Variants in PPP2R3A observed in about 807,000 individuals in gnomAD.
PPP2R3A encodes serine/threonine-protein phosphatase 2A regulatory subunit B'' subunit alpha.
Under a neutral mutation model 106.9 loss-of-function variants are expected in PPP2R3A, and 80 were observed. The ratio of observed to expected loss-of-function variants is 0.75; its 90% CI spans 0.62 to 0.90. PPP2R3A has a LOEUF of 0.90. PPP2R3A is among the 40% of genes least tolerant of loss of function. The pLI is 0.00. For missense variants in PPP2R3A, 1,386 were observed against 1,350.4 expected (o/e 1.03, Z -0.41); for synonymous variants, 483 against 468.3 (o/e 1.03, Z -0.41).
chr3:136,045,679 C>T (rs990731837), intron 4 of PPP2R3A, among the ~76,000 whole-genome samples: 7 of 152,272 alleles, frequency 4.6e-5, no homozygotes, highest in Admixed American at 1.3e-4. Flanking sequence ...ACCAGCTGCA[C>T]GGCCAAGGCA....
intron 5 of PPP2R3A, among the ~76,000 whole-genome samples, chr3:136,056,967 A>G (rs1188243292): frequency 6.6e-6 from 1 of 152,170 alleles, no homozygotes; most frequent in Admixed American, 6.5e-5. Flanking sequence ...AGAAATGAAA[A>G]TTAAAGCCAT....
At chr3:136,119,672 C>A (rs1937916208) in intron 13 of PPP2R3A, among the ~76,000 whole-genome samples, 1 of 152,144 alleles carries the variant, frequency 6.6e-6, no homozygotes, top group Non-Finnish European at 1.5e-5. Context: ...CCATCTCACA[C>A]CAGTTAGAAT....
chr3:135,999,807 T>C (rs1279047748), intron 1 of PPP2R3A, among the ~76,000 whole-genome samples: 3 of 152,148 alleles, frequency 2.0e-5, no homozygotes, highest in Admixed American at 1.3e-4. Flanking sequence ...GGAGTCTCGC[T>C]CTGTCACCCA....
intron 5 of PPP2R3A, among the ~76,000 whole-genome samples, chr3:136,057,232 G>A (rs1252527519): frequency 6.6e-6 from 1 of 152,078 alleles, no homozygotes. Context: ...TGTGTTTATT[G>A]CAACACTATT....
chr3:136,011,284 C>T (rs1019949736), intron 2 of PPP2R3A, among the ~76,000 whole-genome samples: 3 of 151,934 alleles, frequency 2.0e-5, no homozygotes, highest in Non-Finnish European at 4.4e-5. Context: ...TTCTTTTTCT[C>T]CACTGACTCC....
At chr3:136,040,433 A>G (rs1935226499) in intron 3 of PPP2R3A, among the ~76,000 whole-genome samples, 1 of 152,102 alleles carries the variant, frequency 6.6e-6, no homozygotes, top group Non-Finnish European at 1.5e-5. Flanking sequence ...CCAGCTACTC[A>G]GGAGGCTGAG....
At chr3:136,109,039 C>T (rs1164384538) in intron 13 of PPP2R3A, among the ~76,000 whole-genome samples, 3 of 152,062 alleles carry the variant, frequency 2.0e-5, no homozygotes, top group Non-Finnish European at 4.4e-5. Flanking sequence ...TAATAGTGAG[C>T]ATTCAATCCA....
intron 2 of PPP2R3A, among the ~76,000 whole-genome samples, chr3:136,009,135 C>T (rs1379598696): frequency 2.0e-5 from 3 of 152,072 alleles, no homozygotes; most frequent in Non-Finnish European, 4.4e-5. Context: ...TAAACATTTC[C>T]CTTCCTATTA....
intron 1 of PPP2R3A, among the ~76,000 whole-genome samples, chr3:135,968,937 A>G (rs1425544261): frequency 2.0e-5 from 3 of 152,152 alleles, no homozygotes; most frequent in Non-Finnish European, 4.4e-5. Context: ...TATACCATAG[A>G]TTATTTAACC....
Position 136,145,235 on chromosome 3 carries a change from G to T in PPP2R3A, c.*69G>T, listed in dbSNP as rs1359338494. 2.0e-6 allele frequency: 3 copies of T among 1,518,226 alleles called. No individual in the cohort carries two copies. The highest frequency in any genetic ancestry group is 1.4e-5 in the African/African-American group (1 of 71,360). 94.0% of individuals were successfully genotyped at this position (1,518,226 alleles called of 1,614,324 possible). A position where few individuals can be genotyped will look rare whatever the true frequency, so the allele number is the denominator to read the frequency against. On this transcript the variant is annotated 3_prime_UTR_variant, in exon 14 of 14. Coordinates refer to ENST00000264977, the MANE Select transcript of PPP2R3A (RefSeq NM_002718.5). ...TTCTTTCTTGTGAAGAGATGTTCTC[G>T]TTTGCATACTGCTTTTTAAAGACTT... is the stretch of plus-strand genomic sequence containing the variant.
intron 12 of PPP2R3A, among the ~76,000 whole-genome samples, chr3:136,104,325 T>TGTGA (rs1559922435): frequency 1.4e-5 from 2 of 147,376 alleles, no homozygotes; most frequent in African/African-American, 4.9e-5. Flanking sequence ...TGTGTGTGTG[T>TGTGA]GACAGAGTTT....
intron 13 of PPP2R3A, among the ~76,000 whole-genome samples, chr3:136,143,567 A>C (rs1938966219): frequency 6.6e-6 from 1 of 152,118 alleles, no homozygotes; most frequent in Non-Finnish European, 1.5e-5. Flanking sequence ...AGACAGGTGG[A>C]TCACTTGAGG....
At chr3:136,120,368 A>G (rs1937948651) in intron 13 of PPP2R3A, among the ~76,000 whole-genome samples, 1 of 152,172 alleles carries the variant, frequency 6.6e-6, no homozygotes, top group African/African-American at 2.4e-5. Context: ...CAGACAGATC[A>G]CTTGAGGTCA....
chr3:136,085,347 A>T (rs1484575831), intron 8 of PPP2R3A, among the ~76,000 whole-genome samples: 2 of 152,128 alleles, frequency 1.3e-5, no homozygotes, highest in Non-Finnish European at 2.9e-5. Context: ...TTTGCCTTCC[A>T]CCATGATTGT....
intron 4 of PPP2R3A, among the ~76,000 whole-genome samples, chr3:136,047,640 G>A (rs180827842): frequency 4.7e-4 from 71 of 152,270 alleles, no homozygotes; most frequent in Non-Finnish European, 1.8e-4. Flanking sequence ...GGTGGCTCAC[G>A]CCTGTAATCC....
intron 3 of PPP2R3A, among the ~76,000 whole-genome samples, chr3:136,032,630 G>C (rs1444179621): frequency 6.6e-6 from 1 of 151,894 alleles, no homozygotes; most frequent in African/African-American, 2.4e-5. Context: ...TGCCTCCCGG[G>C]TTGACACCAT....
chr3:136,003,389 A>T lies in PPP2R3A; in HGVS notation c.1891A>T (p.Thr631Ser), dbSNP rs755813305. 3.1e-6 allele frequency: 5 copies of T among 1,613,960 alleles called. No homozygotes were observed. The East Asian group carries it at 8.9e-5, about 29-fold the overall frequency. Residue 631 changes from threonine to serine, a missense_variant, in exon 2 of 14, where the codon ACT becomes TCT. Transcript: ENST00000264977. ...GCAAATTCTACAGGAAACCTTGACA[A>T]CTTCCTCCCAGGCCAATTTATCAGT... is the stretch of plus-strand genomic sequence containing the variant. ...MMQILQETLT[T>S]SSQANLSVCR...
chr3:136,060,811 G>C (rs957268401), intron 5 of PPP2R3A, among the ~76,000 whole-genome samples: 4 of 152,154 alleles, frequency 2.6e-5, no homozygotes, highest in African/African-American at 4.8e-5. Flanking sequence ...ATAATTTCAA[G>C]AGATCTATCA....
chr3:135,975,617 G>T (rs1448781917), intron 1 of PPP2R3A, among the ~76,000 whole-genome samples: 1 of 152,084 alleles, frequency 6.6e-6, no homozygotes, highest in Non-Finnish European at 1.5e-5. Context: ...AAAGTGGAGG[G>T]CTTTTCCCCT....
Sources: gnomAD v4.1 joint callset for allele counts (sites outside exome capture counted in the v4.1 genomes callset) on GRCh38, gnomAD v4.1.1 for gene constraint, MANE v1.5 for transcripts, NCBI Gene and HGNC (gene_info 2026-07-23, HGNC 2026-07-21) for gene names.